SUCLG2: variants seen among roughly 807,000 people sequenced by gnomAD.
SUCLG2 encodes the protein succinate-CoA ligase GDP-forming subunit beta.
Under a neutral mutation model 47.9 loss-of-function variants are expected in SUCLG2, and 42 were observed. That is an observed-to-expected ratio of 0.88 (90% CI 0.69 to 1.14). The LOEUF (loss-of-function observed/expected upper bound fraction) is 1.14, where lower values mean the gene tolerates loss of function less well. Among genes scored for constraint, SUCLG2 ranks in the 50% most tolerant of loss-of-function variants. The pLI, the probability that SUCLG2 is intolerant of heterozygous loss-of-function variation, is 0.00. For missense variants in SUCLG2, 571 were observed against 525.9 expected (o/e 1.09, Z -0.84); for synonymous variants, 195 against 197.3 (o/e 0.99, Z 0.10).
At chr3:67,373,160 ACAAT>A (rs556718897), downstream of SUCLG2, among the ~76,000 whole-genome samples, 89 of 152,242 alleles carry the variant, frequency 5.8e-4, no homozygotes, top group Admixed American at 1.8e-3. Context: ...ACAAATGATC[ACAAT>A]CAAACATTCA....
intron 2 of SUCLG2, among the ~76,000 whole-genome samples, chr3:67,559,145 G>T (rs1707239579): frequency 6.6e-6 from 1 of 152,072 alleles, no homozygotes; most frequent in African/African-American, 2.4e-5. Flanking sequence ...TTTATTTTAT[G>T]ACAAATCCCT....
intron 2 of SUCLG2, among the ~76,000 whole-genome samples, chr3:67,588,962 A>G (rs1440929582): frequency 6.6e-6 from 1 of 152,162 alleles, no homozygotes; most frequent in Non-Finnish European, 1.5e-5. Context: ...ACAAAATCCA[A>G]GCCCCTTACA....
intron 9 of SUCLG2, among the ~76,000 whole-genome samples, chr3:67,477,107 T>A (rs1021891110): frequency 6.6e-6 from 1 of 152,162 alleles, no homozygotes; most frequent in Admixed American, 6.5e-5. Flanking sequence ...TGCTCAGGGT[T>A]ATCACCCTCT....
At chr3:67,616,092 T>C (rs1277611393) in intron 1 of SUCLG2, among the ~76,000 whole-genome samples, 1 of 151,998 alleles carries the variant, frequency 6.6e-6, no homozygotes, top group Non-Finnish European at 1.5e-5. Flanking sequence ...AGAGCCCTAT[T>C]TGTTGGCTAC....
At chr3:67,521,565 CACATTATAT>C (rs1706104378) in intron 4 of SUCLG2, among the ~76,000 whole-genome samples, 1 of 150,850 alleles carries the variant, frequency 6.6e-6, no homozygotes, top group Admixed American at 6.6e-5. Context: ...CATGTGGAAG[CACATTATAT>C]ACAACAGGAT....
intron 2 of SUCLG2, among the ~76,000 whole-genome samples, chr3:67,583,511 A>C (rs988894341): frequency 1.3e-5 from 2 of 152,188 alleles, no homozygotes; most frequent in African/African-American, 4.8e-5. Context: ...GTCGTGGCAG[A>C]TTATTACAAA....
chr3:67,473,768 TA>T (rs1363656848), intron 9 of SUCLG2, among the ~76,000 whole-genome samples: 2 of 152,198 alleles, frequency 1.3e-5, no homozygotes. Context: ...AGTGCAGCGA[TA>T]AAGGTATAAA....
chr3:67,555,236 A>G (rs1707126765), intron 2 of SUCLG2, among the ~76,000 whole-genome samples: 1 of 152,234 alleles, frequency 6.6e-6, no homozygotes, highest in African/African-American at 2.4e-5. Context: ...GGAAGTATCA[A>G]TATAAACCCA....
intron 2 of SUCLG2, among the ~76,000 whole-genome samples, chr3:67,540,922 G>A (rs554721580): frequency 2.3e-4 from 35 of 152,164 alleles, no homozygotes; most frequent in Non-Finnish European, 4.9e-4. Context: ...GTAGTGGACC[G>A]CCAGCAAATT....
At position 67,642,918 on chromosome 3, in the gene SUCLG2, CTGTG is replaced by C. The variant is rs3221813; in HGVS notation, c.84+11581_84+11584del. 3.9e-3 allele frequency among the ~76,000 whole-genome samples: 574 copies of C among 146,486 alleles called. 10 individuals carry two copies. The East Asian group carries it at 0.053, about 14-fold the overall frequency. ...CAGGCAAGTCCAACAGAAAAGGACT[CTGTG>C]TGTGTGTGTGTGTGTGTGTGTGTGT... On this transcript the variant is annotated intron_variant, in intron 1 of 10. Coordinates refer to ENST00000307227, the MANE Select transcript of SUCLG2 (RefSeq NM_003848.4).
At chr3:67,387,256 A>C (rs1300457231) in intron 10 of SUCLG2, among the ~76,000 whole-genome samples, 1 of 152,230 alleles carries the variant, frequency 6.6e-6, no homozygotes, top group Non-Finnish European at 1.5e-5. Flanking sequence ...CAATGAAAAA[A>C]AATTGATCAA....
At chr3:67,609,619 G>GT in intron 1 of SUCLG2, 23 bp from the exon 2 acceptor site, 1 of 1,608,644 alleles carries the variant, frequency 6.2e-7, no homozygotes, top group Non-Finnish European at 8.5e-7. Flanking sequence ...AAGGAGAGAG[G>GT]TAAGAACATT....
At chr3:67,578,042 C>A (rs146864572) in intron 2 of SUCLG2, among the ~76,000 whole-genome samples, 1 of 151,838 alleles carries the variant, frequency 6.6e-6, no homozygotes, top group Non-Finnish European at 1.5e-5. Context: ...TATTTTGTAT[C>A]TTCCTTTCTT....
At chr3:67,376,425 C>T (rs1575655295) in intron 10 of SUCLG2, 3 of 985,380 alleles carry the variant, frequency 3.0e-6, no homozygotes, top group Non-Finnish European at 3.6e-6. Flanking sequence ...TATCTTCTGG[C>T]CAAGTCACTT....
chr3:67,535,006 T>G (rs1706502422), intron 2 of SUCLG2, among the ~76,000 whole-genome samples: 1 of 152,086 alleles, frequency 6.6e-6, no homozygotes, highest in African/African-American at 2.4e-5. Flanking sequence ...GCAATCCTAT[T>G]ATGATATACA....
At chr3:67,377,532 T>C (rs1702060908) in intron 10 of SUCLG2, among the ~76,000 whole-genome samples, 1 of 152,212 alleles carries the variant, frequency 6.6e-6, no homozygotes, top group Non-Finnish European at 1.5e-5. Context: ...GCCAAAGGAA[T>C]GTCACATGGC....
intron 8 of SUCLG2, 94 bp from the exon 9 acceptor site, chr3:67,496,034 C>T: frequency 6.7e-7 from 1 of 1,500,648 alleles, no homozygotes; most frequent in East Asian, 2.3e-5. Flanking sequence ...CAAGAGAGAA[C>T]TCTGTCATTG....
chr3:67,654,379 C>A (rs1407194978), intron 1 of SUCLG2, 124 bp downstream of exon 1: 1 of 770,508 alleles, frequency 1.3e-6, no homozygotes, highest in Non-Finnish European at 1.8e-6. Flanking sequence ...CGTCACCTCC[C>A]GAAGTGGGGC....
chr3:67,494,931 G>A (rs936478473), intron 9 of SUCLG2, among the ~76,000 whole-genome samples: 7 of 152,140 alleles, frequency 4.6e-5, no homozygotes, highest in Non-Finnish European at 7.4e-5. Context: ...CTACCCTCAA[G>A]TTAAAAAGAT....
Sources: gnomAD v4.1 joint callset for allele counts (sites outside exome capture counted in the v4.1 genomes callset) on GRCh38, gnomAD v4.1.1 for gene constraint, MANE v1.5 for transcripts, NCBI Gene and HGNC (gene_info 2026-07-23, HGNC 2026-07-21) for gene names.